ORC5: variants seen among roughly 807,000 people sequenced by gnomAD.
ORC5 encodes the protein origin recognition complex subunit 5, also known as protein phosphatase 1, regulatory subunit 117.
A neutral mutation model predicts 58.8 loss-of-function variants in ORC5; 39 were observed. That is an observed-to-expected ratio of 0.66 (90% CI 0.51 to 0.87). The LOEUF (loss-of-function observed/expected upper bound fraction) is 0.87, where lower values mean the gene tolerates loss of function less well. Ranked by LOEUF, ORC5 falls within the 40% of genes least tolerant of loss-of-function variation. The pLI, the probability that ORC5 is intolerant of heterozygous loss-of-function variation, is 0.00. For missense variants in ORC5, 493 were observed against 506.3 expected, an observed-to-expected ratio of 0.97 and a Z score of 0.25; for synonymous variants, 218 against 177.6, an observed-to-expected ratio of 1.23 and a Z score of -1.81.
intron 12 of ORC5, among the ~76,000 whole-genome samples, chr7:104,137,607 G>T (rs772161772): frequency 6.6e-6 from 1 of 152,036 alleles, no homozygotes; most frequent in Non-Finnish European, 1.5e-5. Context: ...GTGGCTGGAC[G>T]TTAAGAGGAA....
Position 104,126,834 on chromosome 7 carries a change from T to C in ORC5, c.*14A>G. 1 of 1,600,774 alleles carries C rather than the reference T, an allele frequency of 6.2e-7. No homozygotes were observed. The highest frequency in any genetic ancestry group is 8.5e-7 in the Non-Finnish European group (1 of 1,170,338). ...GTCATTGTCACAGTGTCCATATGGC[T>C]TTGAAGCTTGTTTTCACAAGAAATC... On this transcript the variant is annotated 3_prime_UTR_variant, in exon 14 of 14. Transcript: ENST00000297431.
intron 11 of ORC5, among the ~76,000 whole-genome samples, chr7:104,162,544 C>A (rs1329394739): frequency 1.3e-5 from 2 of 152,130 alleles, no homozygotes; most frequent in East Asian, 3.8e-4. Flanking sequence ...TTATTTAAAA[C>A]AAGAATGAAT....
rs374264769 is a variant in ORC5 at position 104,168,486 on chromosome 7, C to T, written c.864G>A (p.Pro288=). The T allele has an allele frequency of 4.8e-5, 76 of 1,597,478 alleles. No homozygotes were observed. The highest frequency in any genetic ancestry group is 1.7e-4 in the Middle Eastern group (1 of 6,058). The stretch of plus-strand genomic sequence containing the variant: ...TTCCTCTGATACCTTTCAGTTGCCC[C>T]GGATCTGTGTCATCTTTCTGTAGCT... ...WEKLQKDDTD[P]GQLKGLSAHT... is the part of the protein sequence containing the mutation. Residue 288 remains proline, a synonymous_variant, in exon 9 of 14, where the codon CCG becomes CCA. Transcript: ENST00000297431.
At chr7:104,145,675 C>T (rs1798742712) in intron 12 of ORC5, among the ~76,000 whole-genome samples, 1 of 151,876 alleles carries the variant, frequency 6.6e-6, no homozygotes, top group African/African-American at 2.4e-5. Flanking sequence ...AACTATAAAT[C>T]CTGGAAATAA....
At chr7:104,159,137 C>T (rs1798980175) in intron 12 of ORC5, among the ~76,000 whole-genome samples, 1 of 150,718 alleles carries the variant, frequency 6.6e-6, no homozygotes, top group Admixed American at 6.6e-5. Context: ...CCATGGAATA[C>T]TATGCAGCCA....
intron 8 of ORC5, among the ~76,000 whole-genome samples, chr7:104,182,192 C>G (rs1235404866): frequency 6.6e-6 from 1 of 152,136 alleles, no homozygotes; most frequent in Non-Finnish European, 1.5e-5. Flanking sequence ...AAGGAACAAA[C>G]CTTGTACCTG....
intron 12 of ORC5, among the ~76,000 whole-genome samples, chr7:104,150,376 A>G (rs1046030463): frequency 2.6e-5 from 4 of 152,158 alleles, no homozygotes; most frequent in Admixed American, 6.6e-5. Flanking sequence ...CCCAACAAGC[A>G]CCACATTTGA....
At chr7:104,153,051 T>C (rs1032167582) in intron 12 of ORC5, among the ~76,000 whole-genome samples, 2 of 152,176 alleles carry the variant, frequency 1.3e-5, no homozygotes, top group Non-Finnish European at 2.9e-5. Flanking sequence ...CACTGTTCTT[T>C]TACATATGAG....
intron 12 of ORC5, among the ~76,000 whole-genome samples, chr7:104,139,349 C>CT (rs559031212): frequency 6.6e-6 from 1 of 151,954 alleles, no homozygotes; most frequent in Non-Finnish European, 1.5e-5. Context: ...CATTATTATA[C>CT]TTTTTTTTAT....
intron 8 of ORC5, among the ~76,000 whole-genome samples, chr7:104,171,974 C>T (rs1799220106): frequency 6.6e-6 from 1 of 152,218 alleles, no homozygotes; most frequent in Non-Finnish European, 1.5e-5. Flanking sequence ...TCTCTTTCTT[C>T]AAGTAATTTC....
rs58598328 is a variant in ORC5 at position 104,196,517 on chromosome 7, C to A, written c.441+1208G>T. On this transcript the variant is annotated intron_variant, in intron 4 of 13. Transcript: ENST00000297431. ...CACTTATTATCCTGTCCTCTCTATA[C>A]CTCTCGTCCCTCAACTATTACTAAA... Among the ~76,000 whole-genome samples the A allele has an allele frequency of 2.6e-3, 391 of 152,234 alleles. 17 individuals carry two copies. In the East Asian group the frequency reaches 0.068, roughly 27 times the overall value.
chr7:104,152,697 T>C (rs1798865658), intron 12 of ORC5, among the ~76,000 whole-genome samples: 2 of 152,174 alleles, frequency 1.3e-5, no homozygotes, highest in East Asian at 3.8e-4. Context: ...TTAAATAAAA[T>C]TTATTGGGGT....
intron 12 of ORC5, among the ~76,000 whole-genome samples, chr7:104,159,003 C>T (rs74809980): frequency 0.59 from 79,167 of 133,408 alleles, 21,182 homozygotes; most frequent in Non-Finnish European, 0.65. Flanking sequence ...CTATAAATCA[C>T]GCTGTTATAA....
At chr7:104,178,053 T>C (rs1799358897) in intron 8 of ORC5, among the ~76,000 whole-genome samples, 1 of 152,186 alleles carries the variant, frequency 6.6e-6, no homozygotes, top group Non-Finnish European at 1.5e-5. Context: ...GTCTTTATAG[T>C]AGAATGATTT....
At chr7:104,128,702 A>G (rs1407958146) in intron 13 of ORC5, among the ~76,000 whole-genome samples, 1 of 100,866 alleles carries the variant, frequency 9.9e-6, no homozygotes, top group African/African-American at 3.9e-5. Flanking sequence ...CAGTCCCCAG[A>G]GTGTGATGTT....
At chr7:104,207,798 C>T in intron 1 of ORC5, 35 bp downstream of exon 1, 1 of 1,585,868 alleles carries the variant, frequency 6.3e-7, no homozygotes, top group Non-Finnish European at 8.7e-7. Flanking sequence ...GAAACGTCTG[C>T]CTCCAGGATC....
chr7:104,132,810 C>T (rs908177616), intron 13 of ORC5, among the ~76,000 whole-genome samples: 7 of 152,026 alleles, frequency 4.6e-5, no homozygotes, highest in African/African-American at 1.7e-4. Context: ...AAAATGGGAA[C>T]TTCCAAATCG....
chr7:104,180,252 G>A (rs1400410178), intron 8 of ORC5, among the ~76,000 whole-genome samples: 1 of 152,192 alleles, frequency 6.6e-6, no homozygotes, highest in Non-Finnish European at 1.5e-5. Flanking sequence ...CTTCCCATAA[G>A]GAGAAGCAAT....
intron 13 of ORC5, among the ~76,000 whole-genome samples, chr7:104,134,789 G>T (rs1798564067): frequency 6.6e-6 from 1 of 152,094 alleles, no homozygotes; most frequent in African/African-American, 2.4e-5. Flanking sequence ...AATTCCTAAG[G>T]CACATGGGAG....
Sources: gnomAD v4.1 joint callset for allele counts (sites outside exome capture counted in the v4.1 genomes callset) on GRCh38, gnomAD v4.1.1 for gene constraint, MANE v1.5 for transcripts, NCBI Gene and HGNC (gene_info 2026-07-23, HGNC 2026-07-21) for gene names.